The following ECM2 variants were observed in gnomAD, a reference collection of about 807,000 sequenced individuals.
The protein encoded by ECM2 is extracellular matrix protein 2, female organ and adipocyte specific.
ECM2 carries 57 observed loss-of-function variants against 67.5 expected under a neutral mutation model. The ratio of observed to expected loss-of-function variants is 0.84; its 90% CI spans 0.68 to 1.05. The LOEUF (loss-of-function observed/expected upper bound fraction) is 1.05, where lower values mean the gene tolerates loss of function less well. Among genes scored for constraint, ECM2 ranks in the 50% least tolerant of loss-of-function variants. ECM2 has a pLI of 0.00. For missense variants in ECM2, 741 were observed against 822.8 expected, an observed-to-expected ratio of 0.90 and a Z score of 1.22; for synonymous variants, 258 against 294.5, an observed-to-expected ratio of 0.88 and a Z score of 1.27.
At chr9:92,545,673 G>T in the ECM2 span, among the ~76,000 whole-genome samples, 11 of 152,354 alleles carry the variant, frequency 7.2e-5, no homozygotes, top group African/African-American at 2.4e-4. Context: ...CCTGCAGCCT[G>T]GTGCGGGATC....
intron 1 of ECM2, among the ~76,000 whole-genome samples, chr9:92,534,020 A>G (rs1849019596): frequency 6.6e-6 from 1 of 152,086 alleles, no homozygotes; most frequent in South Asian, 2.1e-4. Flanking sequence ...TGTTTAATGT[A>G]TCCTTCTTGG....
the ECM2 span, among the ~76,000 whole-genome samples, chr9:92,551,946 TATATATG>T: frequency 2.4e-5 from 3 of 122,636 alleles, no homozygotes; most frequent in African/African-American, 3.9e-5. Flanking sequence ...TATATATATA[TATATATG>T]ATATATATAT....
chr9:92,523,028 T>C (rs949372188), intron 1 of ECM2, 135 bp from the exon 2 acceptor site: 12 of 865,826 alleles, frequency 1.4e-5, no homozygotes, highest in African/African-American at 3.5e-5. Flanking sequence ...CTATATGCTA[T>C]AGTATTATTG....
At chr9:92,554,748 C>T in the ECM2 span, among the ~76,000 whole-genome samples, 1 of 152,184 alleles carries the variant, frequency 6.6e-6, no homozygotes, top group African/African-American at 2.4e-5. Context: ...AGCAAGTTTC[C>T]TGCCTCAGCC....
chr9:92,493,934 T>C (rs1186415231), downstream of ECM2: 1 of 588,260 alleles, frequency 1.7e-6, no homozygotes, highest in Non-Finnish European at 2.9e-6. Context: ...GGCACCGGTC[T>C]GGATCTGCTG....
upstream of ECM2, among the ~76,000 whole-genome samples, chr9:92,536,869 ATT>A (rs11459753): frequency 3.5e-5 from 5 of 141,492 alleles, no homozygotes; most frequent in Admixed American, 7.1e-5. Context: ...TATTTTTTAA[ATT>A]TTTTTTTTTT....
chr9:92,525,038 A>G, intron 1 of ECM2, among the ~76,000 whole-genome samples: 1 of 152,232 alleles, frequency 6.6e-6, no homozygotes, highest in Non-Finnish European at 1.5e-5. Context: ...GAGGCCAGGC[A>G]CTGTGGCTCA....
intron 9 of ECM2, among the ~76,000 whole-genome samples, chr9:92,499,028 C>CCCAAAGAATAAGG (rs1440364830): frequency 1.3e-5 from 2 of 152,082 alleles, no homozygotes; most frequent in Non-Finnish European, 2.9e-5. Context: ...AATACTATTC[C>CCCAAAGAATAAGG]CCAAAGAAAG....
chr9:92,540,897 C>T (rs555261043), upstream of ECM2, among the ~76,000 whole-genome samples: 1 of 151,922 alleles, frequency 6.6e-6, no homozygotes, highest in Non-Finnish European at 1.5e-5. Context: ...GCAAAAATAT[C>T]GATAAAGTAA....
the ECM2 span, among the ~76,000 whole-genome samples, chr9:92,551,979 GTGTGTATATATGTGATATATATGTGT>G: frequency 3.7e-5 from 2 of 54,784 alleles, no homozygotes; most frequent in Non-Finnish European, 6.7e-5. Context: ...ATATATATGT[GTGTGTATATATGTGATATATATGTGT>G]ATATATATGA....
At chr9:92,546,595 G>A in the ECM2 span, among the ~76,000 whole-genome samples, 3 of 151,962 alleles carry the variant, frequency 2.0e-5, no homozygotes, top group East Asian at 1.9e-4. Context: ...CCACCAGAAG[G>A]AAAAAACTCC....
At chr9:92,515,811 C>A (rs1032187663) in intron 3 of ECM2, among the ~76,000 whole-genome samples, 4 of 152,200 alleles carry the variant, frequency 2.6e-5, no homozygotes, top group African/African-American at 9.6e-5. Flanking sequence ...ATACTTAAAT[C>A]ATCTTTACTA....
In ECM2 at chr9:92,505,709, T is replaced by G. The variant is rs1290494086; in HGVS notation, c.1307-19A>C. 1.3e-6 allele frequency: 2 copies of G among 1,530,010 alleles called. No homozygotes were observed. The highest frequency in any genetic ancestry group is 1.3e-5 in the South Asian group (1 of 79,950). The allele number at this position is 1,530,010 out of a possible 1,614,324, so 94.8% of individuals were successfully genotyped here. On this transcript the variant is annotated intron_variant, in intron 6 of 9. Transcript: ENST00000344604. ...TTTAAGTCTATAAAAAATAAAAGTATTAGAATATTAGGATAATTGAAAAAC... is the reference window on the plus strand; with the variant it reads ...TTTAAGTCTATAAAAAATAAAAGTAGTAGAATATTAGGATAATTGAAAAAC...
chr9:92,518,962 T>C (rs2131228038), intron 2 of ECM2, among the ~76,000 whole-genome samples: 1 of 152,286 alleles, frequency 6.6e-6, no homozygotes, highest in East Asian at 1.9e-4. Context: ...ATTGTAGATA[T>C]GTGGATAAGT....
At chr9:92,551,550 G>A in the ECM2 span, among the ~76,000 whole-genome samples, 1 of 151,710 alleles carries the variant, frequency 6.6e-6, no homozygotes, top group East Asian at 1.9e-4. Context: ...TAAGTTATTG[G>A]GGTACAGATG....
At chr9:92,505,773 A>G in intron 6 of ECM2, 83 bp from the exon 7 acceptor site, 1 of 1,161,594 alleles carries the variant, frequency 8.6e-7, no homozygotes, top group Non-Finnish European at 1.2e-6. Context: ...GTCATGTGAA[A>G]TGGCCGGTTT....
downstream of ECM2, among the ~76,000 whole-genome samples, chr9:92,495,107 A>C (rs1431143908): frequency 1.3e-5 from 2 of 152,154 alleles, no homozygotes. Flanking sequence ...AGCTTTGTGA[A>C]GTGGGGATGG....
chr9:92,547,226 A>G, the ECM2 span, among the ~76,000 whole-genome samples: 4 of 152,250 alleles, frequency 2.6e-5, no homozygotes, highest in East Asian at 1.9e-4. Context: ...AATGTTTACC[A>G]TAGTAGGAAT....
rs1356164761 is a variant in ECM2 at position 92,510,024 on chromosome 9, T to G, written c.1181A>C (p.Lys394Thr). Residue 394 changes from lysine to threonine, a missense_variant, in exon 6 of 10, where the codon AAG becomes ACG. Physicochemically the swap from Lys to Thr is moderately conservative, Grantham distance 78 (BLOSUM62 -1). Transcript: ENST00000344604. ...TCCATCCATATTCAAACGCATTAAC[T>G]TCTTCAGAAGCTTAAAAAGCAAATC... ...IGPKAFKLLK[K>T]LMRLNMDGNN... is the part of the protein sequence containing the mutation. The G allele has an allele frequency of 6.3e-7, 1 of 1,596,588 alleles. No homozygotes were observed. Among genetic ancestry groups the G allele is most frequent in the Non-Finnish European group, 8.5e-7 (1 of 1,175,078 alleles).
Sources: gnomAD v4.1 joint callset for allele counts (sites outside exome capture counted in the v4.1 genomes callset) on GRCh38, gnomAD v4.1.1 for gene constraint, MANE v1.5 for transcripts, NCBI Gene and HGNC (gene_info 2026-07-23, HGNC 2026-07-21) for gene names.